STK32C: variants seen among roughly 807,000 people sequenced by gnomAD.
STK32C encodes the protein serine/threonine-protein kinase 32C.
STK32C carries 31 observed loss-of-function variants against 56.5 expected under a neutral mutation model. The observed-to-expected ratio is 0.55, with a 90% confidence interval of 0.41 to 0.74. STK32C has a LOEUF of 0.74. Among genes scored for constraint, STK32C ranks in the 30% least tolerant of loss-of-function variants. The pLI is 0.00. For missense variants in STK32C, 544 were observed against 676.9 expected, an observed-to-expected ratio of 0.80 and a Z score of 2.18; for synonymous variants, 309 against 289.4, an observed-to-expected ratio of 1.07 and a Z score of -0.69.
chr10:132,245,755 C>T, intron 2 of STK32C, 145 bp downstream of exon 2: 1 of 779,394 alleles, frequency 1.3e-6, no homozygotes, highest in Non-Finnish European at 2.1e-6. Context: ...CCCACGTCCT[C>T]CCTAAAAGAC....
intron 1 of STK32C, among the ~76,000 whole-genome samples, chr10:132,292,306 C>G (rs2065590791): frequency 6.6e-6 from 1 of 152,218 alleles, no homozygotes; most frequent in African/African-American, 2.4e-5. Flanking sequence ...AGGGTCCCCT[C>G]ACTGCCACCA....
At chr10:132,308,118 C>T (rs1590475886), upstream of STK32C, 2 of 7,216 alleles carry the variant, frequency 2.8e-4, no homozygotes, top group South Asian at 6.5e-3. Context: ...GGGGCCGAGC[C>T]GGGGGCGGGG....
intron 2 of STK32C, among the ~76,000 whole-genome samples, chr10:132,233,012 C>G (rs1056154989): frequency 2.0e-5 from 3 of 152,216 alleles, no homozygotes; most frequent in Admixed American, 2.0e-4. Context: ...GGCCTCTAAA[C>G]GGTATAATGA....
At chr10:132,319,796 G>T (rs1201184465), downstream of STK32C, among the ~76,000 whole-genome samples, 1 of 152,182 alleles carries the variant, frequency 6.6e-6, no homozygotes, top group African/African-American at 2.4e-5. Flanking sequence ...CTTCACAATG[G>T]CTTGTAGCCA....
intron 1 of STK32C, among the ~76,000 whole-genome samples, chr10:132,275,275 C>T (rs372786484): frequency 5.3e-5 from 8 of 152,304 alleles, no homozygotes; most frequent in African/African-American, 1.2e-4. Flanking sequence ...CCCACAGGGC[C>T]GCTGGTGGGG....
intron 1 of STK32C, among the ~76,000 whole-genome samples, chr10:132,275,232 C>T (rs1429690210): frequency 6.6e-6 from 1 of 152,212 alleles, no homozygotes; most frequent in Non-Finnish European, 1.5e-5. Context: ...GGCAGTGCTG[C>T]CCCACCAGGC....
At chr10:132,242,724 T>C (rs2063549710) in intron 2 of STK32C, among the ~76,000 whole-genome samples, 1 of 152,162 alleles carries the variant, frequency 6.6e-6, no homozygotes, top group Non-Finnish European at 1.5e-5. Context: ...GGTGTTTTCT[T>C]TTTCCCCCAC....
chr10:132,253,526 G>T (rs144084860), intron 1 of STK32C, among the ~76,000 whole-genome samples: 12 of 123,308 alleles, frequency 9.7e-5, no homozygotes, highest in South Asian at 5.7e-4. Flanking sequence ...TGAGGGAGCC[G>T]GAGGGAGCTG....
At chr10:132,212,073 C>G (rs1218117043) in intron 10 of STK32C, among the ~76,000 whole-genome samples, 1 of 152,136 alleles carries the variant, frequency 6.6e-6, no homozygotes, top group Non-Finnish European at 1.5e-5. Context: ...CGCCACAAAC[C>G]TGCTTGGCAG....
chr10:132,245,808 T>C lies in STK32C; in HGVS notation c.318+92A>G, dbSNP rs878958068. The C allele has an allele frequency of 5.3e-5, 68 of 1,294,792 alleles. No homozygotes were observed. In the South Asian group the frequency reaches 7.3e-4, roughly 14 times the overall value. The allele number at this position is 1,294,792 out of a possible 1,614,324, so 80.2% of individuals were successfully genotyped here. A position where few individuals can be genotyped will look rare whatever the true frequency, so the allele number is the denominator to read the frequency against. On this transcript the variant is annotated intron_variant, in intron 2 of 11. Transcript: ENST00000298630. Reference sequence around the variant, plus strand: ...GTAAGGCTGCTTCTCCCAAGGAGGATGGGAGTAGGTGGGCTCAGGGGACAG... The same window carrying C: ...GTAAGGCTGCTTCTCCCAAGGAGGACGGGAGTAGGTGGGCTCAGGGGACAG...
intron 1 of STK32C, among the ~76,000 whole-genome samples, chr10:132,247,273 G>A (rs563182209): frequency 3.9e-5 from 6 of 152,276 alleles, no homozygotes; most frequent in East Asian, 3.9e-4. Flanking sequence ...GTTTCTAGAC[G>A]AAAGGTTTCT....
At chr10:132,273,529 T>C (rs1037629561) in intron 1 of STK32C, among the ~76,000 whole-genome samples, 3 of 151,684 alleles carry the variant, frequency 2.0e-5, no homozygotes, top group African/African-American at 7.3e-5. Flanking sequence ...AATGGGGAGT[T>C]AGCAAATGAG....
intron 1 of STK32C, chr10:132,248,962 A>C: frequency 2.2e-6 from 1 of 456,812 alleles, no homozygotes; most frequent in South Asian, 1.5e-5. Flanking sequence ...TGGGAAACAA[A>C]ATCTATTAAA....
At chr10:132,328,086 G>A (rs150373133) in intron 1 of STK32C, among the ~76,000 whole-genome samples, 18 of 152,264 alleles carry the variant, frequency 1.2e-4, no homozygotes, top group African/African-American at 4.1e-4. Flanking sequence ...ACCAAGACAG[G>A]GGAATTGCAA....
At chr10:132,208,937 G>T in intron 11 of STK32C, 97 bp downstream of exon 11, 1 of 1,164,414 alleles carries the variant, frequency 8.6e-7, no homozygotes, top group Non-Finnish European at 1.2e-6. Context: ...CGCACCCCAG[G>T]CCCACAGGTG....
In STK32C at chr10:132,243,238, C is replaced by T. The variant is rs911333615; in HGVS notation, c.318+2662G>A. Among the ~76,000 whole-genome samples, 3 of 152,360 alleles carry T rather than the reference C, an allele frequency of 2.0e-5. No individual in the cohort carries two copies. The East Asian group carries it at 5.8e-4, about 29-fold the overall frequency. ...AGCCTGAGATATCCACAGCCCAAGGCTGGAATGCGATGTCCTGGATTCTGA... is the reference window on the plus strand; with the variant it reads ...AGCCTGAGATATCCACAGCCCAAGGTTGGAATGCGATGTCCTGGATTCTGA... On this transcript the variant is annotated intron_variant, in intron 2 of 11. Coordinates refer to ENST00000298630, the MANE Select transcript of STK32C (RefSeq NM_173575.4).
chr10:132,281,155 A>AAC (rs1217968192), intron 1 of STK32C, among the ~76,000 whole-genome samples: 1 of 148,946 alleles, frequency 6.7e-6, no homozygotes, highest in Admixed American at 6.7e-5. Flanking sequence ...CCTATCTTTA[A>AAC]ACACACACAC....
Position 132,253,108 on chromosome 10 carries a change from C to A in STK32C, c.263-7153G>T, listed in dbSNP as rs189114403. On this transcript the variant is annotated intron_variant, in intron 1 of 11. Transcript: ENST00000298630. ...GGGACGTTCGTCCTCCCTAACGCAGCATTTCCCTGTTCTCAGAGAGTTTTG... is the reference window on the plus strand; with the variant it reads ...GGGACGTTCGTCCTCCCTAACGCAGAATTTCCCTGTTCTCAGAGAGTTTTG... Among the ~76,000 whole-genome samples, 12 of 152,368 alleles carry A rather than the reference C, an allele frequency of 7.9e-5. No homozygotes were observed. In the South Asian group the frequency reaches 8.3e-4, roughly 11 times the overall value.
chr10:132,256,644 C>G (rs887745401), intron 1 of STK32C, among the ~76,000 whole-genome samples: 1 of 152,106 alleles, frequency 6.6e-6, no homozygotes, highest in Non-Finnish European at 1.5e-5. Context: ...AGCAGCACCT[C>G]CCCCCAGGCT....
Sources: gnomAD v4.1 joint callset for allele counts (sites outside exome capture counted in the v4.1 genomes callset) on GRCh38, gnomAD v4.1.1 for gene constraint, MANE v1.5 for transcripts, NCBI Gene and HGNC (gene_info 2026-07-23, HGNC 2026-07-21) for gene names.